MGAT5: variants seen among roughly 807,000 people sequenced by gnomAD.
MGAT5 encodes the protein alpha-1,6-mannosylglycoprotein 6-beta-N-acetylglucosaminyltransferase.
Under a neutral mutation model 94.3 loss-of-function variants are expected in MGAT5, and 30 were observed. The ratio of observed to expected loss-of-function variants is 0.32; its 90% CI spans 0.24 to 0.43. The LOEUF (loss-of-function observed/expected upper bound fraction) is 0.43, where lower values mean the gene tolerates loss of function less well. Ranked by LOEUF, MGAT5 falls within the 20% of genes least tolerant of loss-of-function variation. The probability of loss-of-function intolerance (pLI) is 1.00; values close to 1 mark genes in which losing one functional copy is unlikely to be tolerated. For missense variants in MGAT5, 691 were observed against 905.5 expected, an observed-to-expected ratio of 0.76 and a Z score of 3.04; for synonymous variants, 310 against 322.9, an observed-to-expected ratio of 0.96 and a Z score of 0.43.
intron 2 of MGAT5, among the ~76,000 whole-genome samples, chr2:134,289,061 G>A (rs1392787544): frequency 6.6e-6 from 1 of 152,086 alleles, no homozygotes; most frequent in Non-Finnish European, 1.5e-5. Context: ...TGTCTCTAGG[G>A]CCCCATTATT....
chr2:134,336,962 A>G (rs1688370022), intron 5 of MGAT5, among the ~76,000 whole-genome samples: 1 of 152,192 alleles, frequency 6.6e-6, no homozygotes, highest in Non-Finnish European at 1.5e-5. Context: ...CAGATAGTAA[A>G]TAGTTTCATC....
chr2:134,309,535 C>G (rs1686526301), intron 2 of MGAT5, among the ~76,000 whole-genome samples: 1 of 152,102 alleles, frequency 6.6e-6, no homozygotes, highest in Non-Finnish European at 1.5e-5. Flanking sequence ...TCATTGTGCT[C>G]TTGATTTCCA....
intron 13 of MGAT5, among the ~76,000 whole-genome samples, chr2:134,426,791 G>T (rs1027872773): frequency 3.9e-5 from 6 of 152,086 alleles, no homozygotes; most frequent in Non-Finnish European, 8.8e-5. Flanking sequence ...TCAAAAGCTT[G>T]AGTTGACAAG....
chr2:134,191,414 G>A (rs1159003260), intron 1 of MGAT5, among the ~76,000 whole-genome samples: 1 of 152,200 alleles, frequency 6.6e-6, no homozygotes, highest in Non-Finnish European at 1.5e-5. Context: ...GGGTTATCGC[G>A]GGAGCGCGTT....
At chr2:134,401,433 GC>G (rs541883758) in intron 10 of MGAT5, among the ~76,000 whole-genome samples, 22 of 152,190 alleles carry the variant, frequency 1.4e-4, no homozygotes, top group Non-Finnish European at 2.4e-4. Context: ...TGGGCTGCTG[GC>G]CAGCCTAGGA....
chr2:134,419,096 C>A (rs181055049), intron 12 of MGAT5, among the ~76,000 whole-genome samples: 3 of 152,318 alleles, frequency 2.0e-5, no homozygotes, highest in Non-Finnish European at 1.5e-5. Flanking sequence ...ACAAAACTAT[C>A]TTTTTACACC....
chr2:134,179,394 A>G (rs1688628727), intron 1 of MGAT5, among the ~76,000 whole-genome samples: 2 of 152,312 alleles, frequency 1.3e-5, no homozygotes, highest in South Asian at 4.1e-4. Flanking sequence ...GTGTCGTCAA[A>G]CACACACATC....
At chr2:134,366,450 A>G (rs1421439502) in intron 10 of MGAT5, among the ~76,000 whole-genome samples, 2 of 152,250 alleles carry the variant, frequency 1.3e-5, no homozygotes, top group East Asian at 1.9e-4. Context: ...AAGATAATAC[A>G]TGATCGCCGC....
intron 1 of MGAT5, among the ~76,000 whole-genome samples, chr2:134,256,512 T>A (rs2105526866): frequency 6.6e-6 from 1 of 152,326 alleles, no homozygotes; most frequent in Admixed American, 6.5e-5. Context: ...TTTCTGCAGT[T>A]GTTTTGGCTG....
At chr2:134,411,007 A>G (rs1417239344) in intron 11 of MGAT5, among the ~76,000 whole-genome samples, 1 of 152,208 alleles carries the variant, frequency 6.6e-6, no homozygotes, top group Non-Finnish European at 1.5e-5. Flanking sequence ...GAGAGGGCAA[A>G]TCAGAGATCA....
At chr2:134,280,874 C>T (rs1558756912) in intron 2 of MGAT5, among the ~76,000 whole-genome samples, 1 of 152,196 alleles carries the variant, frequency 6.6e-6, no homozygotes, top group Admixed American at 6.5e-5. Context: ...GTGTCCAACT[C>T]AGGTTTTCAC....
At chr2:134,425,829 G>C (rs1684554821) in intron 13 of MGAT5, among the ~76,000 whole-genome samples, 1 of 152,016 alleles carries the variant, frequency 6.6e-6, no homozygotes, top group Admixed American at 6.5e-5. Flanking sequence ...TCCAAGGTCA[G>C]CAGGAACTTC....
chr2:134,223,663 GT>G (rs944894649), intron 1 of MGAT5, among the ~76,000 whole-genome samples: 1 of 151,206 alleles, frequency 6.6e-6, no homozygotes, highest in Non-Finnish European at 1.5e-5. Flanking sequence ...CCTCGAAACA[GT>G]TTTTAAGCTA....
intron 1 of MGAT5, among the ~76,000 whole-genome samples, chr2:134,240,744 A>T (rs185052635): frequency 1.1e-3 from 170 of 152,312 alleles, no homozygotes; most frequent in African/African-American, 3.7e-3. Context: ...AGTATTTTTT[A>T]AAAAATCAAT....
intron 1 of MGAT5, among the ~76,000 whole-genome samples, chr2:134,130,246 CG>C (rs1686078925): frequency 6.7e-6 from 1 of 149,914 alleles, no homozygotes; most frequent in African/African-American, 2.5e-5. Context: ...CGCCCCACAC[CG>C]CCCCACACCG....
chr2:134,342,544 G>A (rs1688691159), intron 7 of MGAT5, among the ~76,000 whole-genome samples: 1 of 152,014 alleles, frequency 6.6e-6, no homozygotes, highest in South Asian at 2.1e-4. Flanking sequence ...TTGAGGCCAG[G>A]GGTTCAAGAA....
At chr2:134,356,556 G>A (rs372074059) in intron 9 of MGAT5, among the ~76,000 whole-genome samples, 3 of 152,094 alleles carry the variant, frequency 2.0e-5, no homozygotes, top group South Asian at 4.1e-4. Flanking sequence ...CAGGAGGTAC[G>A]CAAAAATAAG....
intron 2 of MGAT5, among the ~76,000 whole-genome samples, chr2:134,277,512 C>T (rs1684452721): frequency 6.6e-6 from 1 of 152,144 alleles, no homozygotes; most frequent in African/African-American, 2.4e-5. Context: ...ACCATGAGAA[C>T]AGCATGAGGG....
chr2:134,250,647 A>T (rs182414059), upstream of MGAT5, among the ~76,000 whole-genome samples: 1 of 152,302 alleles, frequency 6.6e-6, no homozygotes, highest in African/African-American at 2.4e-5. Flanking sequence ...TGCTGTGTGT[A>T]TACTGATATT....
Sources: gnomAD v4.1 joint callset for allele counts (sites outside exome capture counted in the v4.1 genomes callset) on GRCh38, gnomAD v4.1.1 for gene constraint, MANE v1.5 for transcripts, NCBI Gene and HGNC (gene_info 2026-07-23, HGNC 2026-07-21) for gene names.